GPR158: variants seen among roughly 807,000 people sequenced by gnomAD.
GPR158 encodes the protein metabotropic glycine receptor.
Under a neutral mutation model 78.2 loss-of-function variants are expected in GPR158, and 30 were observed. That is an observed-to-expected ratio of 0.38 (90% CI 0.29 to 0.52). GPR158 has a LOEUF of 0.52. Ranked by LOEUF, GPR158 falls within the 20% of genes least tolerant of loss-of-function variation. The pLI is 0.83. For synonymous variants in GPR158, 581 were observed against 591.1 expected (o/e 0.98, Z 0.25); for missense variants, 1,463 against 1,523.5 (o/e 0.96, Z 0.66).
At chr10:25,375,076 C>T (rs1289220531) in intron 2 of GPR158, among the ~76,000 whole-genome samples, 2 of 151,520 alleles carry the variant, frequency 1.3e-5, no homozygotes. Context: ...TTTATTTTAG[C>T]CCTTTTCATA....
chr10:25,222,689 A>G (rs947690278), intron 2 of GPR158, among the ~76,000 whole-genome samples: 1 of 152,142 alleles, frequency 6.6e-6, no homozygotes, highest in Non-Finnish European at 1.5e-5. Flanking sequence ...GTCTAGAGCA[A>G]TATTGTTCTG....
intron 4 of GPR158, among the ~76,000 whole-genome samples, chr10:25,433,405 T>C (rs374714500): frequency 2.6e-5 from 4 of 152,276 alleles, no homozygotes; most frequent in African/African-American, 9.6e-5. Flanking sequence ...AGTTCTTCCA[T>C]AGCACCAGTT....
intron 2 of GPR158, among the ~76,000 whole-genome samples, chr10:25,303,651 T>G (rs1253549627): frequency 6.6e-6 from 1 of 152,208 alleles, no homozygotes. Flanking sequence ...CAAAATAAAT[T>G]CGATGATAAC....
intron 4 of GPR158, among the ~76,000 whole-genome samples, chr10:25,448,116 G>A (rs544162346): frequency 2.2e-5 from 3 of 135,666 alleles, no homozygotes; most frequent in East Asian, 4.3e-4. Flanking sequence ...ACGGAGTCTC[G>A]TTCTGTCACC....
At chr10:25,588,088 A>T (rs1837293842) in intron 7 of GPR158, among the ~76,000 whole-genome samples, 1 of 152,240 alleles carries the variant, frequency 6.6e-6, no homozygotes, top group South Asian at 2.1e-4. Flanking sequence ...TGGGGAAAAA[A>T]GTCAAATGAA....
intron 4 of GPR158, among the ~76,000 whole-genome samples, chr10:25,451,206 C>G (rs1478173454): frequency 6.6e-6 from 1 of 152,168 alleles, no homozygotes; most frequent in African/African-American, 2.4e-5. Flanking sequence ...GTTGCTGGTA[C>G]AATTAAGTAT....
chr10:25,588,730 C>T (rs572598436), intron 7 of GPR158, among the ~76,000 whole-genome samples: 1 of 152,088 alleles, frequency 6.6e-6, no homozygotes, highest in Non-Finnish European at 1.5e-5. Flanking sequence ...TCAGAAAAAG[C>T]AAGGTATTAT....
intron 2 of GPR158, among the ~76,000 whole-genome samples, chr10:25,288,792 TC>T (rs1854390583): frequency 6.6e-6 from 1 of 152,212 alleles, no homozygotes; most frequent in Non-Finnish European, 1.5e-5. Context: ...AGCCATTTGT[TC>T]TGCTAAGCTT....
At chr10:25,532,306 C>G (rs112568491) in intron 5 of GPR158, among the ~76,000 whole-genome samples, 1 of 35,570 alleles carries the variant, frequency 2.8e-5, no homozygotes, top group African/African-American at 2.4e-4. Flanking sequence ...GTGGGCCACT[C>G]CCAGGGACAG....
intron 5 of GPR158, among the ~76,000 whole-genome samples, chr10:25,536,822 T>C (rs1251373174): frequency 2.0e-5 from 3 of 152,224 alleles, no homozygotes; most frequent in African/African-American, 7.2e-5. Flanking sequence ...CTACTCTAAC[T>C]GTGGTCCTAG....
At position 25,517,046 on chromosome 10, in the gene GPR158, T is replaced by C. The variant is rs528229938; in HGVS notation, c.1405-33930T>C. On this transcript the variant is annotated intron_variant, in intron 5 of 10. Coordinates refer to ENST00000376351, the MANE Select transcript of GPR158 (RefSeq NM_020752.3). ...TTTGTTTGTATCCTCTTTTGTTTCA[T>C]TGAGCAGTGGCTTGTAGTTCTCCTT... Among the ~76,000 whole-genome samples the C allele has an allele frequency of 1.7e-4, 25 of 150,388 alleles. No homozygotes were observed. The East Asian group carries it at 2.7e-3, about 16-fold the overall frequency.
At chr10:25,559,716 T>G (rs574859355) in intron 6 of GPR158, among the ~76,000 whole-genome samples, 303 of 152,276 alleles carry the variant, frequency 2.0e-3, no homozygotes, top group Middle Eastern at 3.4e-3. Context: ...TACTAGAGAG[T>G]AAAAACCATC....
At chr10:25,184,838 A>AT (rs1338385840) in intron 1 of GPR158, among the ~76,000 whole-genome samples, 1 of 152,172 alleles carries the variant, frequency 6.6e-6, no homozygotes, top group Non-Finnish European at 1.5e-5. Context: ...GAAGATAAGC[A>AT]TTTTTTCTTT....
At chr10:25,425,424 TTAG>T (rs1834806760) in intron 4 of GPR158, among the ~76,000 whole-genome samples, 2 of 151,952 alleles carry the variant, frequency 1.3e-5, no homozygotes, top group African/African-American at 4.8e-5. Flanking sequence ...TCCCTGATAA[TTAG>T]TGATGTTGAA....
intron 4 of GPR158, among the ~76,000 whole-genome samples, chr10:25,453,258 A>G (rs1287947735): frequency 1.3e-5 from 2 of 152,250 alleles, no homozygotes; most frequent in South Asian, 2.1e-4. Context: ...GGATTACTGG[A>G]TCATACGATT....
intron 2 of GPR158, among the ~76,000 whole-genome samples, chr10:25,384,992 TCTAA>T (rs1399345021): frequency 2.0e-5 from 3 of 152,192 alleles, no homozygotes; most frequent in South Asian, 2.1e-4. Flanking sequence ...AATATAAAAA[TCTAA>T]CTATCTTAAC....
intron 5 of GPR158, among the ~76,000 whole-genome samples, chr10:25,533,431 A>G (rs4749043): frequency 0.3 from 45,367 of 152,114 alleles, 7,675 homozygotes; most frequent in East Asian, 0.49. Flanking sequence ...CTGGTGTTCA[A>G]TCAGGGTGGA....
chr10:25,367,250 C>T (rs1025978143), intron 2 of GPR158, among the ~76,000 whole-genome samples: 2 of 151,584 alleles, frequency 1.3e-5, no homozygotes, highest in Non-Finnish European at 3.0e-5. Flanking sequence ...ACTGAAAAGA[C>T]TATGTTTTTT....
At chr10:25,291,632 A>G (rs934645991) in intron 2 of GPR158, among the ~76,000 whole-genome samples, 4 of 152,144 alleles carry the variant, frequency 2.6e-5, no homozygotes, top group Non-Finnish European at 5.9e-5. Flanking sequence ...ATTTCAATAT[A>G]CAACTTCTGT....
Sources: gnomAD v4.1 joint callset for allele counts (sites outside exome capture counted in the v4.1 genomes callset) on GRCh38, gnomAD v4.1.1 for gene constraint, MANE v1.5 for transcripts, NCBI Gene and HGNC (gene_info 2026-07-23, HGNC 2026-07-21) for gene names.